ABI3BP: variants seen among roughly 807,000 people sequenced by gnomAD.
The protein encoded by ABI3BP is target of Nesh-SH3.
In ABI3BP, 216 loss-of-function variants were observed where a neutral mutation model predicts 268.6. That is an observed-to-expected ratio of 0.80 (90% CI 0.72 to 0.90). ABI3BP has a LOEUF of 0.90. ABI3BP is among the 40% of genes least tolerant of loss of function. The probability of loss-of-function intolerance (pLI) is 0.00; values close to 1 mark genes in which losing one functional copy is unlikely to be tolerated. For synonymous variants in ABI3BP, 730 were observed against 730.0 expected, an observed-to-expected ratio of 1.00 and a Z score of 0.00; for missense variants, 2,090 against 2,182.4, an observed-to-expected ratio of 0.96 and a Z score of 0.84.
intron 9 of ABI3BP, among the ~76,000 whole-genome samples, chr3:100,869,489 A>G (rs1190143634): frequency 6.6e-6 from 1 of 151,620 alleles, no homozygotes; most frequent in Non-Finnish European, 1.5e-5. Context: ...AGTAGCTGGG[A>G]CTATAAGCAC....
intron 1 of ABI3BP, among the ~76,000 whole-genome samples, chr3:100,989,780 G>A (rs2092625650): frequency 6.6e-6 from 1 of 152,142 alleles, no homozygotes; most frequent in Admixed American, 6.5e-5. Flanking sequence ...TGTTCTCACT[G>A]GTTTTTATTT....
At chr3:100,774,381 C>T (rs942283248) in intron 61 of ABI3BP, among the ~76,000 whole-genome samples, 2 of 152,086 alleles carry the variant, frequency 1.3e-5, no homozygotes, top group Non-Finnish European at 2.9e-5. Context: ...TGAGTCCAAC[C>T]CACAAGAGGC....
intron 1 of ABI3BP, among the ~76,000 whole-genome samples, chr3:100,965,610 A>G (rs2080997208): frequency 1.3e-5 from 2 of 152,150 alleles, no homozygotes; most frequent in South Asian, 2.1e-4. Context: ...ATTTATTGAG[A>G]AACTTCCGTG....
At chr3:100,754,475 G>T in intron 64 of ABI3BP, 137 bp downstream of exon 64, 1 of 773,848 alleles carries the variant, frequency 1.3e-6, no homozygotes, top group Non-Finnish European at 2.1e-6. Flanking sequence ...TCATCAGTTT[G>T]CTTTTTCCCA....
chr3:100,862,775 TC>T (rs2099012171), intron 13 of ABI3BP, 62 bp downstream of exon 13: 6 of 1,145,928 alleles, frequency 5.2e-6, no homozygotes, highest in South Asian at 2.8e-5. Context: ...AGTAAATGTG[TC>T]CTGCAGAATT....
chr3:100,978,863 T>C (rs2087688676), intron 1 of ABI3BP, among the ~76,000 whole-genome samples: 1 of 152,204 alleles, frequency 6.6e-6, no homozygotes, highest in Middle Eastern at 3.2e-3. Context: ...GTGATAGTTG[T>C]TTAACATGCA....
chr3:100,890,481 C>T (rs904020335), intron 4 of ABI3BP, among the ~76,000 whole-genome samples: 1 of 152,134 alleles, frequency 6.6e-6, no homozygotes, highest in Non-Finnish European at 1.5e-5. Flanking sequence ...CCTTATTCCA[C>T]CAGATCTCCA....
chr3:100,940,993 TTAAA>T (rs1047237981), intron 1 of ABI3BP, among the ~76,000 whole-genome samples: 6 of 149,976 alleles, frequency 4.0e-5, no homozygotes, highest in African/African-American at 1.5e-4. Flanking sequence ...ATTAAAATTA[TTAAA>T]TAAAGCAAGA....
intron 46 of ABI3BP, among the ~76,000 whole-genome samples, chr3:100,812,086 A>G (rs2097874659): frequency 6.7e-6 from 1 of 149,908 alleles, no homozygotes; most frequent in Non-Finnish European, 1.5e-5. Context: ...TTCCATTTTC[A>G]TTTTTTTTTT....
Position 100,886,763 on chromosome 3 carries a change from T to C in ABI3BP, c.462-440A>G, listed in dbSNP as rs1455202031. Among the ~76,000 whole-genome samples the C allele has an allele frequency of 2.6e-5, 4 of 151,974 alleles. No individual in the cohort carries two copies. The South Asian group carries it at 8.3e-4, about 31-fold the overall frequency. On this transcript the variant is annotated intron_variant, in intron 4 of 67. Transcript: ENST00000471714. ...TCCATGAAGGATATGTTAGAGGTAA[T>C]ATCATTCAATTTTGTAAAAAAAAGA...
chr3:100,817,520 C>A (rs543328489), intron 41 of ABI3BP, 25 bp from the exon 42 acceptor site: 1 of 1,387,262 alleles, frequency 7.2e-7, no homozygotes, highest in African/African-American at 1.5e-5. Flanking sequence ...TAAAATAAAG[C>A]AAAAAGATTT....
intron 6 of ABI3BP, 107 bp from the exon 7 acceptor site, chr3:100,876,667 C>A: frequency 1.0e-6 from 1 of 954,294 alleles, no homozygotes; most frequent in Admixed American, 2.0e-5. Context: ...TCAATGAAGT[C>A]TCCTGTGACA....
At chr3:100,894,894 G>A (rs1344969384) in intron 4 of ABI3BP, among the ~76,000 whole-genome samples, 9 of 126,500 alleles carry the variant, frequency 7.1e-5, no homozygotes, top group Admixed American at 2.0e-4. Context: ...AGCCGAGATC[G>A]CGCCTCTGCA....
intron 11 of ABI3BP, chr3:100,864,519 T>C: frequency 3.1e-6 from 1 of 324,572 alleles, no homozygotes; most frequent in Non-Finnish European, 5.6e-6. Context: ...TCCTTCATTC[T>C]CCCCCAAGAT....
intron 1 of ABI3BP, among the ~76,000 whole-genome samples, chr3:100,961,652 A>G (rs546273955): frequency 2.0e-5 from 3 of 152,332 alleles, no homozygotes; most frequent in African/African-American, 7.2e-5. Flanking sequence ...CATGTGTTAT[A>G]AAAATTGAAC....
At chr3:100,852,128 T>A (rs2098848769) in intron 14 of ABI3BP, among the ~76,000 whole-genome samples, 188 bp from the exon 15 acceptor site, 1 of 152,166 alleles carries the variant, frequency 6.6e-6, no homozygotes, top group South Asian at 2.1e-4. Flanking sequence ...CCTTTGGTCC[T>A]TTTTTGCTCT....
chr3:100,986,848 C>A (rs536106121), intron 1 of ABI3BP, among the ~76,000 whole-genome samples: 1 of 152,262 alleles, frequency 6.6e-6, no homozygotes, highest in East Asian at 1.9e-4. Context: ...ATGCCTGATA[C>A]ACAGTAATAT....
chr3:100,881,354 A>G (rs527488516), intron 6 of ABI3BP, among the ~76,000 whole-genome samples: 1 of 152,270 alleles, frequency 6.6e-6, no homozygotes, highest in African/African-American at 2.4e-5. Context: ...CTTTTTGATG[A>G]TAGTAACTGT....
intron 14 of ABI3BP, among the ~76,000 whole-genome samples, chr3:100,853,778 T>C (rs1314209953): frequency 6.6e-6 from 1 of 152,212 alleles, no homozygotes; most frequent in African/African-American, 2.4e-5. Context: ...CTTTCTTCCA[T>C]CATCCTTTGG....
Sources: gnomAD v4.1 joint callset for allele counts (sites outside exome capture counted in the v4.1 genomes callset) on GRCh38, gnomAD v4.1.1 for gene constraint, MANE v1.5 for transcripts, NCBI Gene and HGNC (gene_info 2026-07-23, HGNC 2026-07-21) for gene names.